ADK: variants seen among roughly 807,000 people sequenced by gnomAD.
The protein encoded by ADK is N6,N6-dimethyladenosine kinase.
Under a neutral mutation model 44.7 loss-of-function variants are expected in ADK, and 24 were observed. The ratio of observed to expected loss-of-function variants is 0.54; its 90% CI spans 0.39 to 0.76. ADK has a LOEUF of 0.76. Among genes scored for constraint, ADK ranks in the 30% least tolerant of loss-of-function variants. The pLI, the probability that ADK is intolerant of heterozygous loss-of-function variation, is 0.00. For synonymous variants in ADK, 128 were observed against 142.6 expected, an observed-to-expected ratio of 0.90 and a Z score of 0.73; for missense variants, 321 against 425.1, an observed-to-expected ratio of 0.76 and a Z score of 2.15.
intron 6 of ADK, among the ~76,000 whole-genome samples, chr10:74,464,015 T>C (rs774865208): frequency 6.6e-6 from 1 of 152,226 alleles, no homozygotes; most frequent in Non-Finnish European, 1.5e-5. Flanking sequence ...ATGACTAATA[T>C]GAATTGAGGT....
chr10:74,458,238 C>A (rs2133225424), intron 6 of ADK, among the ~76,000 whole-genome samples: 1 of 144,484 alleles, frequency 6.9e-6, no homozygotes, highest in South Asian at 2.2e-4. Flanking sequence ...CCCAAGTGAT[C>A]CTCTCACTTC....
chr10:74,329,435 C>A (rs1261596559), intron 4 of ADK, among the ~76,000 whole-genome samples: 1 of 152,128 alleles, frequency 6.6e-6, no homozygotes, highest in Non-Finnish European at 1.5e-5. Context: ...CCATATCAAG[C>A]ATTTACAACC....
intron 9 of ADK, among the ~76,000 whole-genome samples, chr10:74,624,286 A>G (rs1278335532): frequency 2.6e-5 from 4 of 151,636 alleles, no homozygotes; most frequent in Admixed American, 2.6e-4. Flanking sequence ...TTCCACCCCA[A>G]CTTTGCTGAG....
chr10:74,608,176 A>G (rs1351442833), intron 9 of ADK, among the ~76,000 whole-genome samples: 1 of 151,764 alleles, frequency 6.6e-6, no homozygotes, highest in Non-Finnish European at 1.5e-5. Context: ...GGGTTAGAAC[A>G]TGGTCCTTTA....
At chr10:74,641,685 G>A (rs1158870363) in intron 9 of ADK, 1 of 152,174 alleles carries the variant, frequency 6.6e-6, no homozygotes, top group Non-Finnish European at 1.5e-5. Flanking sequence ...ATCTGACTAG[G>A]GAAGTCTAAA....
intron 3 of ADK, among the ~76,000 whole-genome samples, chr10:74,263,189 G>A (rs1383113114): frequency 1.3e-5 from 2 of 152,062 alleles, no homozygotes; most frequent in African/African-American, 2.4e-5. Flanking sequence ...ATTTGATGTC[G>A]AAAGCCATAA....
At chr10:74,684,086 T>C (rs1323310077) in intron 10 of ADK, among the ~76,000 whole-genome samples, 2 of 152,244 alleles carry the variant, frequency 1.3e-5, no homozygotes, top group Non-Finnish European at 2.9e-5. Flanking sequence ...CTGCAGTTTT[T>C]CATTGTCATC....
At chr10:74,235,035 T>C (rs1391499585) in intron 3 of ADK, among the ~76,000 whole-genome samples, 1 of 152,178 alleles carries the variant, frequency 6.6e-6, no homozygotes, top group African/African-American at 2.4e-5. Flanking sequence ...GAGGTGTGAT[T>C]TCTAGGTCTG....
chr10:74,470,883 T>C (rs1363553206), intron 6 of ADK, among the ~76,000 whole-genome samples: 1 of 152,084 alleles, frequency 6.6e-6, no homozygotes, highest in Non-Finnish European at 1.5e-5. Context: ...AACTTTTTTC[T>C]CCAGTGTTTT....
At chr10:74,674,585 T>C (rs1246858797) in intron 10 of ADK, among the ~76,000 whole-genome samples, 1 of 151,836 alleles carries the variant, frequency 6.6e-6, no homozygotes, top group Non-Finnish European at 1.5e-5. Context: ...AAGACTTAAA[T>C]GTAAGTACTA....
intron 7 of ADK, among the ~76,000 whole-genome samples, chr10:74,552,832 A>T (rs1314174962): frequency 6.6e-6 from 1 of 152,180 alleles, no homozygotes. Flanking sequence ...AAAGAGGATG[A>T]ACATTATTAA....
intron 4 of ADK, among the ~76,000 whole-genome samples, chr10:74,325,709 A>G (rs1840981689): frequency 1.3e-5 from 2 of 152,210 alleles, no homozygotes; most frequent in African/African-American, 4.8e-5. Context: ...AATTTTGTCA[A>G]ATGCATTTTC....
chr10:74,593,411 A>G (rs1247220572), intron 8 of ADK, among the ~76,000 whole-genome samples: 1 of 150,798 alleles, frequency 6.6e-6, no homozygotes, highest in Non-Finnish European at 1.5e-5. Flanking sequence ...GCATGTGGGA[A>G]GGGTTCCCAT....
intron 4 of ADK, among the ~76,000 whole-genome samples, chr10:74,378,333 C>CT (rs922672805): frequency 6.6e-6 from 1 of 151,902 alleles, no homozygotes; most frequent in African/African-American, 2.4e-5. Context: ...TGTGCTTTCC[C>CT]TTTTTTTCAT....
At chr10:74,376,729 A>G (rs1020233469) in intron 4 of ADK, among the ~76,000 whole-genome samples, 2 of 149,304 alleles carry the variant, frequency 1.3e-5, no homozygotes, top group African/African-American at 4.9e-5. Flanking sequence ...TTCAAACACT[A>G]TATTTGTACC....
intron 10 of ADK, among the ~76,000 whole-genome samples, chr10:74,693,560 T>G (rs750676748): frequency 6.7e-6 from 1 of 149,452 alleles, no homozygotes; most frequent in African/African-American, 2.5e-5. Context: ...TCCTTCTTAA[T>G]TCTGTTAGGA....
At chr10:74,625,306 G>A (rs1254094387) in intron 9 of ADK, among the ~76,000 whole-genome samples, 1 of 152,120 alleles carries the variant, frequency 6.6e-6, no homozygotes, top group African/African-American at 2.4e-5. Flanking sequence ...CAAAGTTAAT[G>A]AGGTAATAAA....
chr10:74,517,017 A>T (rs1848614747), intron 6 of ADK: 1 of 152,928 alleles, frequency 6.5e-6, no homozygotes, highest in South Asian at 2.1e-4. Context: ...ATCTCGTGAG[A>T]TTTATTCACT....
chr10:74,473,467 CT>C (rs1846686758), intron 6 of ADK, among the ~76,000 whole-genome samples: 1 of 152,142 alleles, frequency 6.6e-6, no homozygotes, highest in Admixed American at 6.5e-5. Flanking sequence ...GTTCCAGGAT[CT>C]GTTGGAGGAT....
Sources: gnomAD v4.1 joint callset for allele counts (sites outside exome capture counted in the v4.1 genomes callset) on GRCh38, gnomAD v4.1.1 for gene constraint, MANE v1.5 for transcripts, NCBI Gene and HGNC (gene_info 2026-07-23, HGNC 2026-07-21) for gene names.